Variants in TBC1D19 observed in about 807,000 individuals in gnomAD.
The protein encoded by TBC1D19 is TBC1 domain family, member 19.
Under a neutral mutation model 89.0 loss-of-function variants are expected in TBC1D19, and 60 were observed. The ratio of observed to expected loss-of-function variants is 0.67; its 90% confidence interval spans 0.55 to 0.84. The LOEUF is 0.84. Ranked by LOEUF, TBC1D19 falls within the 40% of genes least tolerant of loss-of-function variation. The pLI is 0.00. For synonymous variants in TBC1D19, 189 were observed against 199.7 expected (o/e 0.95, Z 0.45); for missense variants, 500 against 610.8 (o/e 0.82, Z 1.91).
intron 4 of TBC1D19, among the ~76,000 whole-genome samples, chr4:26,628,900 G>A (rs1257494762): frequency 6.6e-6 from 1 of 151,958 alleles, no homozygotes; most frequent in Admixed American, 6.6e-5. Context: ...CTCATGGGTA[G>A]GAAGAATCAA....
the TBC1D19 span, among the ~76,000 whole-genome samples, chr4:26,857,034 TC>T: frequency 6.6e-6 from 1 of 152,172 alleles, no homozygotes; most frequent in Non-Finnish European, 1.5e-5. Flanking sequence ...AATAAAATTT[TC>T]CACCTTCACT....
chr4:26,756,750 A>G (rs1719275432), downstream of TBC1D19, among the ~76,000 whole-genome samples: 2 of 152,364 alleles, frequency 1.3e-5, no homozygotes, highest in African/African-American at 2.4e-5. Flanking sequence ...AAGATGATAT[A>G]TGAAGAATGC....
chr4:26,809,870 G>T, the TBC1D19 span, among the ~76,000 whole-genome samples: 1 of 152,168 alleles, frequency 6.6e-6, no homozygotes, highest in African/African-American at 2.4e-5. Context: ...GACTCTCATA[G>T]CAAGAGCCAA....
At chr4:26,751,166 A>G (rs1718932437) in intron 19 of TBC1D19, among the ~76,000 whole-genome samples, 1 of 152,216 alleles carries the variant, frequency 6.6e-6, no homozygotes, top group Non-Finnish European at 1.5e-5. Flanking sequence ...CATGAGGCAG[A>G]TGGAAAGGAA....
intron 4 of TBC1D19, among the ~76,000 whole-genome samples, chr4:26,635,481 G>A (rs1399127571): frequency 6.6e-6 from 1 of 152,174 alleles, no homozygotes; most frequent in East Asian, 1.9e-4. Flanking sequence ...TAATTTGGGA[G>A]CTATTTCATG....
chr4:26,685,873 A>G (rs1455362776), intron 12 of TBC1D19, among the ~76,000 whole-genome samples: 2 of 152,254 alleles, frequency 1.3e-5, no homozygotes, highest in African/African-American at 2.4e-5. Flanking sequence ...AAAAGCTAAA[A>G]AAAAGTAAGG....
the TBC1D19 span, among the ~76,000 whole-genome samples, chr4:26,768,537 A>T: frequency 6.6e-6 from 1 of 152,216 alleles, no homozygotes; most frequent in African/African-American, 2.4e-5. Flanking sequence ...AATGACACAG[A>T]TGATAGAATG....
intron 13 of TBC1D19, among the ~76,000 whole-genome samples, chr4:26,697,233 A>G (rs963962927): frequency 6.6e-6 from 1 of 152,240 alleles, no homozygotes; most frequent in African/African-American, 2.4e-5. Context: ...AAACACCTCT[A>G]TGCAAACAAA....
At chr4:26,615,824 A>G (rs1344463150) in intron 3 of TBC1D19, among the ~76,000 whole-genome samples, 3 of 152,140 alleles carry the variant, frequency 2.0e-5, no homozygotes, top group Admixed American at 6.6e-5. Flanking sequence ...GATATTTATC[A>G]TGACAAGTAA....
At chr4:26,760,394 C>G (rs1243762646), downstream of TBC1D19, among the ~76,000 whole-genome samples, 1 of 152,072 alleles carries the variant, frequency 6.6e-6, no homozygotes, top group Non-Finnish European at 1.5e-5. Flanking sequence ...AAAACCACAT[C>G]CCTACAAAAA....
At position 26,638,883 on chromosome 4, in the gene TBC1D19, T is replaced by C. The variant is rs991362353; in HGVS notation, c.433+49T>C. The C allele has an allele frequency of 4.4e-6, 6 of 1,357,510 alleles. No homozygotes were observed. In the Admixed American group the frequency reaches 8.3e-5, roughly 19 times the overall value. 84.1% of individuals were successfully genotyped at this position (1,357,510 alleles called of 1,614,324 possible). On this transcript the variant is annotated intron_variant, in intron 6 of 20. Transcript: ENST00000264866. ...TGTAGTAGTGGAAAAATAATTGCCT[T>C]CTTAACTGTGGATCCAAAATAACAT...
At chr4:26,599,775 G>A (rs1213307686) in intron 1 of TBC1D19, among the ~76,000 whole-genome samples, 2 of 151,890 alleles carry the variant, frequency 1.3e-5, no homozygotes, top group African/African-American at 2.4e-5. Flanking sequence ...GTGAAGCCAT[G>A]TCTCTACTAG....
At chr4:26,690,836 C>G (rs902651316) in intron 13 of TBC1D19, among the ~76,000 whole-genome samples, 4 of 152,076 alleles carry the variant, frequency 2.6e-5, no homozygotes, top group Non-Finnish European at 4.4e-5. Flanking sequence ...ATTCTGCAGC[C>G]CATGGATAAG....
chr4:26,688,384 G>A lies in TBC1D19; in HGVS notation c.931G>A (p.Val311Ile). Reference sequence around the variant, plus strand: ...AGCAAGCAATGATGATTATTATTTTGTATTTGAAGATTATTTATATCAGGT... The same window carrying A: ...AGCAAGCAATGATGATTATTATTTTATATTTGAAGATTATTTATATCAGGT... ...LTASNDDYYF[V>I]FEDYLYQVLL... Residue 311 changes from valine to isoleucine, a missense_variant, in exon 13 of 21, where the codon GTA (valine) becomes ATA (isoleucine). Coordinates refer to ENST00000264866, the MANE Select transcript of TBC1D19 (RefSeq NM_018317.4). The A allele has an allele frequency of 6.4e-7, 1 of 1,565,812 alleles. No individual in the cohort carries two copies. Among genetic ancestry groups the A allele is most frequent in the Non-Finnish European group, 8.7e-7 (1 of 1,151,538 alleles).
At chr4:26,598,260 A>G (rs1740359039) in intron 1 of TBC1D19, among the ~76,000 whole-genome samples, 1 of 152,234 alleles carries the variant, frequency 6.6e-6, no homozygotes, top group African/African-American at 2.4e-5. Flanking sequence ...TAAATTATAG[A>G]AAGGTAATTC....
intron 8 of TBC1D19, among the ~76,000 whole-genome samples, chr4:26,662,013 C>T (rs754754264): frequency 1.5e-4 from 23 of 152,196 alleles, no homozygotes; most frequent in Non-Finnish European, 1.9e-4. Flanking sequence ...ATACTCTACT[C>T]ACAGTTTTCC....
At chr4:26,725,910 G>A (rs1262400907) in intron 15 of TBC1D19, among the ~76,000 whole-genome samples, 1 of 152,036 alleles carries the variant, frequency 6.6e-6, no homozygotes, top group African/African-American at 2.4e-5. Flanking sequence ...AATGAACATA[G>A]AATACAGAGG....
intron 3 of TBC1D19, among the ~76,000 whole-genome samples, chr4:26,617,315 A>G (rs1350869122): frequency 6.6e-6 from 1 of 152,234 alleles, no homozygotes; most frequent in Non-Finnish European, 1.5e-5. Flanking sequence ...ACAATTGCAA[A>G]TTTTAACATG....
Position 26,613,261 on chromosome 4 carries a change from T to G in TBC1D19, c.172+20T>G, listed in dbSNP as rs780152590. 1 of 1,426,270 alleles carries G rather than the reference T, an allele frequency of 7.0e-7. No individual in the cohort carries two copies. Among genetic ancestry groups the G allele is most frequent in the Non-Finnish European group, 9.6e-7 (1 of 1,037,822 alleles). 88.4% of individuals were successfully genotyped at this position (1,426,270 alleles called of 1,614,324 possible). A position where few individuals can be genotyped will look rare whatever the true frequency, so the allele number is the denominator to read the frequency against. ...TATCAGGTTTGTAAGTTTTTCCTAATAACTTAAGGCAAAATAAGAAAATGT... is the reference window on the plus strand; with the variant it reads ...TATCAGGTTTGTAAGTTTTTCCTAAGAACTTAAGGCAAAATAAGAAAATGT... On this transcript the variant is annotated intron_variant, in intron 2 of 20. Coordinates refer to ENST00000264866, the MANE Select transcript of TBC1D19 (RefSeq NM_018317.4).
Sources: gnomAD v4.1 joint callset for allele counts (sites outside exome capture counted in the v4.1 genomes callset) on GRCh38, gnomAD v4.1.1 for gene constraint, MANE v1.5 for transcripts, NCBI Gene and HGNC (gene_info 2026-07-23, HGNC 2026-07-21) for gene names.